Variants in ACYP2 observed in about 807,000 individuals in gnomAD.
ACYP2 encodes the protein acylphosphatase-2.
ACYP2 carries 12 observed loss-of-function variants against 11.2 expected under a neutral mutation model. The observed-to-expected ratio is 1.08, with a 90% CI of 0.69 to 1.74. The LOEUF is 1.74. Ranked by LOEUF, ACYP2 falls within the 40% of genes most tolerant of loss-of-function variation. The probability of loss-of-function intolerance (pLI) is 0.00; values close to 1 mark genes in which losing one functional copy is unlikely to be tolerated. For synonymous variants in ACYP2, 43 were observed against 32.2 expected (o/e 1.33, Z -1.13); for missense variants, 134 against 101.9 (o/e 1.31, Z -1.35).
chr2:54,196,520 T>A (rs1309194758), intron 6 of ACYP2, among the ~76,000 whole-genome samples: 2 of 152,268 alleles, frequency 1.3e-5, no homozygotes, highest in African/African-American at 2.4e-5. Context: ...CAATTTTTTT[T>A]AAGATTTGGT....
chr2:54,137,440 C>T (rs1681314598), intron 5 of ACYP2, among the ~76,000 whole-genome samples: 1 of 152,158 alleles, frequency 6.6e-6, no homozygotes, highest in African/African-American at 2.4e-5. Flanking sequence ...TCCCACTCTC[C>T]ACCCTCAGGT....
intron 2 of ACYP2, among the ~76,000 whole-genome samples, chr2:53,992,119 C>CCTTTCTTCCTT (rs547537041): frequency 6.7e-6 from 1 of 149,076 alleles, no homozygotes; most frequent in Non-Finnish European, 1.5e-5. Context: ...TCCCTCTCTC[C>CCTTTCTTCCTT]CTTTCTTCCT....
intron 2 of ACYP2, among the ~76,000 whole-genome samples, chr2:54,013,912 C>A (rs1298255615): frequency 2.0e-5 from 3 of 152,072 alleles, no homozygotes; most frequent in African/African-American, 7.2e-5. Context: ...AATTCCACCA[C>A]TTTGGGAGGC....
chr2:54,220,358 CTG>C (rs546481123), intron 6 of ACYP2, among the ~76,000 whole-genome samples: 350 of 152,098 alleles, frequency 2.3e-3, no homozygotes, highest in African/African-American at 8.2e-3. Context: ...GTTTTATTGT[CTG>C]TTATTTTCTC....
At chr2:54,227,636 A>AG (rs1220679064) in intron 6 of ACYP2, among the ~76,000 whole-genome samples, 1 of 151,952 alleles carries the variant, frequency 6.6e-6, no homozygotes, top group African/African-American at 2.4e-5. Context: ...AAAAAAAAAA[A>AG]TATGCACACT....
At chr2:54,028,971 A>G (rs1229433024) in intron 2 of ACYP2, among the ~76,000 whole-genome samples, 1 of 152,134 alleles carries the variant, frequency 6.6e-6, no homozygotes, top group African/African-American at 2.4e-5. Flanking sequence ...CACTTTGGGT[A>G]AGATAGTGAG....
At chr2:54,011,883 G>GC (rs1673391699) in intron 2 of ACYP2, among the ~76,000 whole-genome samples, 1 of 151,964 alleles carries the variant, frequency 6.6e-6, no homozygotes, top group African/African-American at 2.4e-5. Flanking sequence ...CTAGCTTTTA[G>GC]GTTGTCTACC....
chr2:54,132,945 T>C lies in ACYP2; in HGVS notation c.278-2508T>C, dbSNP rs1307918963. On this transcript the variant is annotated intron_variant, in intron 4 of 6. Coordinates refer to ENST00000607452, the MANE Select transcript of ACYP2 (RefSeq NM_001320586.2). ...TTTTTCTTGAGATGGGATTTCACCATATTGGTCAGGCTGGTCTTGAACTCC... is the reference window on the plus strand; with the variant it reads ...TTTTTCTTGAGATGGGATTTCACCACATTGGTCAGGCTGGTCTTGAACTCC... Among the ~76,000 whole-genome samples the C allele has an allele frequency of 3.9e-5, 6 of 152,202 alleles. No homozygotes were observed. The East Asian group carries it at 1.2e-3, about 29-fold the overall frequency.
At chr2:54,033,912 C>G (rs1674729692) in intron 2 of ACYP2, among the ~76,000 whole-genome samples, 3 of 152,118 alleles carry the variant, frequency 2.0e-5, no homozygotes. Flanking sequence ...CTGTCAAGAC[C>G]AAATGAATCA....
chr2:54,258,805 C>A (rs980906140), intron 6 of ACYP2, among the ~76,000 whole-genome samples: 1 of 152,074 alleles, frequency 6.6e-6, no homozygotes, highest in Non-Finnish European at 1.5e-5. Context: ...TAACTGAATA[C>A]CTGAGACTGG....
intron 6 of ACYP2, among the ~76,000 whole-genome samples, chr2:54,185,190 G>A (rs926277672): frequency 2.6e-5 from 4 of 152,088 alleles, no homozygotes; most frequent in African/African-American, 9.7e-5. Context: ...TTCCTTAGTC[G>A]TGATTGATAA....
At chr2:54,252,115 A>T (rs998956071) in intron 6 of ACYP2, among the ~76,000 whole-genome samples, 1 of 152,206 alleles carries the variant, frequency 6.6e-6, no homozygotes, top group Admixed American at 6.5e-5. Context: ...TCTGACTTCT[A>T]CCACCATAGA....
At chr2:54,095,828 G>T (rs1410345563) in intron 4 of ACYP2, among the ~76,000 whole-genome samples, 1 of 110,394 alleles carries the variant, frequency 9.1e-6, no homozygotes, top group East Asian at 2.9e-4. Context: ...CGGCTGGCCG[G>T]GCAGAGGGGC....
chr2:54,101,210 A>G (rs1413948556), intron 4 of ACYP2, among the ~76,000 whole-genome samples: 1 of 152,212 alleles, frequency 6.6e-6, no homozygotes, highest in Non-Finnish European at 1.5e-5. Flanking sequence ...ATCATCCTCC[A>G]AGACTGCATG....
intron 6 of ACYP2, among the ~76,000 whole-genome samples, chr2:54,226,671 T>C (rs1686024052): frequency 6.6e-6 from 1 of 152,156 alleles, no homozygotes; most frequent in Admixed American, 6.5e-5. Context: ...GAATGGAACA[T>C]GTAGTCTTTT....
chr2:54,068,705 A>G (rs1191334350), intron 4 of ACYP2, among the ~76,000 whole-genome samples: 1 of 152,104 alleles, frequency 6.6e-6, no homozygotes, highest in Non-Finnish European at 1.5e-5. Flanking sequence ...GTTTTCTGCT[A>G]CATGCGCCCA....
intron 6 of ACYP2, chr2:54,255,904 G>A (rs368312986): frequency 6.2e-7 from 1 of 1,614,078 alleles, no homozygotes; most frequent in Admixed American, 1.7e-5. Flanking sequence ...CGCTTTGATG[G>A]CTCCATGACT....
intron 6 of ACYP2, among the ~76,000 whole-genome samples, chr2:54,161,974 TATA>T (rs935390887): frequency 1.5e-4 from 23 of 152,192 alleles, no homozygotes; most frequent in African/African-American, 5.3e-4. Context: ...TTAAAAATTT[TATA>T]ATAAGTATTC....
chr2:54,260,198 T>C (rs1462419247), intron 6 of ACYP2, among the ~76,000 whole-genome samples: 1 of 152,088 alleles, frequency 6.6e-6, no homozygotes, highest in Non-Finnish European at 1.5e-5. Flanking sequence ...GTAGAAGTGA[T>C]AGTGAGATTT....
Sources: allele counts gnomAD v4.1 joint callset (sites outside exome capture counted in the v4.1 genomes callset), GRCh38; gene constraint gnomAD v4.1.1; transcripts MANE v1.5; gene names NCBI Gene and HGNC (gene_info 2026-07-23, HGNC 2026-07-21).